TAF5L: variants seen among roughly 807,000 people sequenced by gnomAD.
TAF5L encodes TAF5-like RNA polymerase II p300/CBP-associated factor-associated factor 65 kDa subunit 5L.
A neutral mutation model predicts 51.3 loss-of-function variants in TAF5L; 7 were observed. The observed-to-expected ratio is 0.14, with a 90% confidence interval of 0.08 to 0.26. The LOEUF (loss-of-function observed/expected upper bound fraction) is 0.26, where lower values mean the gene tolerates loss of function less well. Among genes scored for constraint, TAF5L ranks in the 10% least tolerant of loss-of-function variants. The pLI is 1.00. For synonymous variants in TAF5L, 291 were observed against 308.1 expected, an observed-to-expected ratio of 0.94 and a Z score of 0.58; for missense variants, 575 against 758.9, an observed-to-expected ratio of 0.76 and a Z score of 2.85.
At chr1:229,600,209 G>A in intron 4 of TAF5L, 1 of 985,390 alleles carries the variant, frequency 1.0e-6, no homozygotes. Flanking sequence ...CTTGTTGTCA[G>A]AAACCAAAAA....
chr1:229,619,960 A>G (rs1048804066), intron 1 of TAF5L, among the ~76,000 whole-genome samples: 1 of 152,098 alleles, frequency 6.6e-6, no homozygotes, highest in Non-Finnish European at 1.5e-5. Context: ...TTCCACCTGC[A>G]ATACCTCTTC....
At chr1:229,613,109 G>A (rs927539735) in intron 2 of TAF5L, among the ~76,000 whole-genome samples, 2 of 151,584 alleles carry the variant, frequency 1.3e-5, no homozygotes, top group African/African-American at 4.9e-5. Flanking sequence ...CTTGAGGCCA[G>A]GAGGTCATGA....
chr1:229,622,509 C>A (rs2064891), intron 1 of TAF5L, among the ~76,000 whole-genome samples: 19,568 of 152,108 alleles, frequency 0.13, 1,934 homozygotes, highest in East Asian at 0.42. Context: ...GAATAAAATG[C>A]CCAACTCTAC....
In TAF5L at chr1:229,594,786, T is replaced by C. The variant is rs1664055611; in HGVS notation, c.1281A>G (p.Ala427=). The change falls in exon 5 of 5, where the codon GCA becomes GCG. Residue 427 remains alanine (A), a synonymous_variant. Coordinates refer to ENST00000258281, the Ensembl canonical transcript of TAF5L. The surrounding 1 kb of genome is among the most constrained non-coding windows in gnomAD (Gnocchi z 7.9). ...GGTGGAATTTGACACAGTCCACATC[T>C]GCCAGGTGTCCTGCATATATCCTCA... is the stretch of plus-strand genomic sequence containing the variant. 1 of 1,614,258 alleles carries C rather than the reference T, an allele frequency of 6.2e-7. No individual in the cohort carries two copies. The highest frequency in any genetic ancestry group is 8.5e-7 in the Non-Finnish European group (1 of 1,180,046).
chr1:229,604,827 TTTC>T (rs760253795), intron 3 of TAF5L, among the ~76,000 whole-genome samples: 4 of 152,356 alleles, frequency 2.6e-5, no homozygotes, highest in Non-Finnish European at 5.9e-5. Context: ...AATTGTTGTA[TTTC>T]TTGTTTTGTT....
At position 229,599,326 on chromosome 1, in the gene TAF5L, G is replaced by A. The variant is rs549968334; in HGVS notation, c.972+2869C>T. ...TTACATACTATATAATTCTTTCAAA[G>A]TGTACAATTCAATGATTTTTAGTAC... On this transcript the variant is annotated intron_variant, in intron 4 of 4. Coordinates refer to ENST00000258281, the Ensembl canonical transcript of TAF5L. 2.1e-4 allele frequency: 102 copies of A among 474,832 alleles called. 1 individual carries two copies. Among genetic ancestry groups the A allele is most frequent in the African/African-American group, 2.1e-3 (98 of 47,228 alleles). The allele number at this position is 474,832 out of a possible 1,614,324, so 29.4% of individuals were successfully genotyped here.
In TAF5L at chr1:229,594,022, C is replaced by T. The variant is rs41309641; in HGVS notation, c.*275G>A. On this transcript the variant is annotated 3_prime_UTR_variant, in exon 5 of 5. Transcript: ENST00000258281. The surrounding 1 kb of genome is among the most constrained non-coding windows in gnomAD (Gnocchi z 7.9). ...AGAGACAGGAAGGTGCTCGCATGCG[C>T]GAGGTCACGGCAGAGTCTCCATGAG... The T allele has an allele frequency of 0.15, 53,495 of 357,308 alleles. 5,121 individuals carry two copies. Among genetic ancestry groups the T allele is most frequent in the Non-Finnish European group, 0.19 (36,551 of 191,106 alleles). The allele number at this position is 357,308 out of a possible 1,614,324, so 22.1% of individuals were successfully genotyped here. A position where few individuals can be genotyped will look rare whatever the true frequency, so the allele number is the denominator to read the frequency against.
chr1:229,595,215 T>C (rs1664076911), intron 4 of TAF5L, 121 bp from the exon 5 acceptor site: 2 of 1,042,938 alleles, frequency 1.9e-6, no homozygotes, highest in Non-Finnish European at 2.7e-6. Context: ...GGAAATAGCA[T>C]CTATCCAGCA....
chr1:229,623,088 T>G (rs2102769007), intron 1 of TAF5L, among the ~76,000 whole-genome samples: 1 of 152,158 alleles, frequency 6.6e-6, no homozygotes, highest in East Asian at 1.9e-4. Flanking sequence ...ACCAGCCTGG[T>G]CAACATGGTG....
At chr1:229,603,009 C>T (rs1664446704) in intron 3 of TAF5L, 90 bp from the exon 4 acceptor site, 4 of 1,465,724 alleles carry the variant, frequency 2.7e-6, no homozygotes, top group Non-Finnish European at 3.6e-6. Context: ...TCATATAATG[C>T]TTTCTTGCCA....
In TAF5L at chr1:229,594,420, G is replaced by A. The variant is rs145035907; in HGVS notation, c.1647C>T (p.Asp549=). The change falls in exon 5 of 5, where the codon GAC becomes GAT. Residue 549 remains aspartate (D), a synonymous_variant. Transcript: ENST00000258281. This position sits in a 1 kb window ranked among gnomAD's most constrained non-coding sequence, Gnocchi z 7.9. ...CGCCCACGAGCTCGCTGGAGGAGCCGTCGGCAGGTGCACTGCAGTAAGTGT... is the reference window on the plus strand; with the variant it reads ...CGCCCACGAGCTCGCTGGAGGAGCCATCGGCAGGTGCACTGCAGTAAGTGT... 23 of 1,614,052 alleles carry A rather than the reference G, an allele frequency of 1.4e-5. No homozygotes were observed. Among genetic ancestry groups the A allele is most frequent in the African/African-American group, 5.3e-5 (4 of 74,922 alleles).
At chr1:229,606,504 AT>A in intron 3 of TAF5L, 1 of 985,366 alleles carries the variant, frequency 1.0e-6, no homozygotes, top group Non-Finnish European at 1.2e-6. Flanking sequence ...AGGATACTAA[AT>A]TAAACAAAAC....
intron 1 of TAF5L, among the ~76,000 whole-genome samples, chr1:229,624,188 T>C (rs997242837): frequency 6.6e-6 from 1 of 152,224 alleles, no homozygotes; most frequent in Non-Finnish European, 1.5e-5. Flanking sequence ...AGTAGTTAAG[T>C]GAGGCCTTTA....
At chr1:229,621,708 G>A (rs768402688) in intron 1 of TAF5L, among the ~76,000 whole-genome samples, 1 of 152,040 alleles carries the variant, frequency 6.6e-6, no homozygotes, top group African/African-American at 2.4e-5. Flanking sequence ...GAAACTCTGA[G>A]GGTTACAGAT....
At chr1:229,608,571 T>C (rs1664678379) in intron 3 of TAF5L, among the ~76,000 whole-genome samples, 1 of 152,236 alleles carries the variant, frequency 6.6e-6, no homozygotes, top group Non-Finnish European at 1.5e-5. Context: ...CATTGGTTTC[T>C]GAGGCTTTAA....
chr1:229,618,860 CAA>C (rs1271424958), intron 1 of TAF5L, among the ~76,000 whole-genome samples: 2 of 152,094 alleles, frequency 1.3e-5, no homozygotes, highest in African/African-American at 4.8e-5. Context: ...CACGAAATGC[CAA>C]AAGAGTACTA....
intron 1 of TAF5L, among the ~76,000 whole-genome samples, chr1:229,615,934 CATTT>C (rs1664985553): frequency 6.6e-6 from 1 of 152,162 alleles, no homozygotes; most frequent in South Asian, 2.1e-4. Context: ...TGTTTTTGAT[CATTT>C]ATTTGGATGT....
intron 2 of TAF5L, among the ~76,000 whole-genome samples, chr1:229,612,821 G>A (rs571794993): frequency 6.6e-6 from 1 of 152,254 alleles, no homozygotes; most frequent in East Asian, 1.9e-4. Flanking sequence ...AGCACGTGGT[G>A]AAAGATATTT....
exon 5 of TAF5L, chr1:229,593,478 G>T (rs1663993976): frequency 6.6e-6 from 1 of 151,996 alleles, no homozygotes; most frequent in Admixed American, 6.6e-5. Context: ...TGCAGCTTTG[G>T]AAAGAATTTT....
Sources: allele counts gnomAD v4.1 joint callset (sites outside exome capture counted in the v4.1 genomes callset), GRCh38; gene constraint gnomAD v4.1.1; non-coding constraint Gnocchi (gnomAD v3.1); transcripts MANE v1.5; gene names NCBI Gene and HGNC (gene_info 2026-07-23, HGNC 2026-07-21).